The following FAM13B variants were observed in gnomAD, a reference collection of about 807,000 sequenced individuals.
FAM13B encodes the protein family with sequence similarity 13 member B.
In FAM13B, 60 loss-of-function variants were observed where a neutral mutation model predicts 117.3. That is an observed-to-expected ratio of 0.51 (90% confidence interval 0.42 to 0.63). FAM13B has a LOEUF of 0.63. FAM13B is among the 30% of genes least tolerant of loss of function. The pLI is 0.00. For synonymous variants in FAM13B, 332 were observed against 356.1 expected (o/e 0.93, Z 0.76); for missense variants, 972 against 1,091.9 (o/e 0.89, Z 1.55).
chr5:137,943,111 A>C (rs757649235), intron 21 of FAM13B, 22 bp downstream of exon 21: 11 of 1,613,162 alleles, frequency 6.8e-6, no homozygotes, highest in Middle Eastern at 3.3e-4. Flanking sequence ...GGGATCAGAT[A>C]ATTATTTCTT....
chr5:138,008,411 C>T (rs995155950), intron 6 of FAM13B, among the ~76,000 whole-genome samples: 1 of 152,104 alleles, frequency 6.6e-6, no homozygotes, highest in Admixed American at 6.5e-5. Context: ...CACTGCACTC[C>T]AACTTGGGTG....
Position 137,954,268 on chromosome 5 carries a change from G to A in FAM13B, c.1616C>T (p.Pro539Leu), listed in dbSNP as rs1285699597. The A allele has an allele frequency of 1.9e-6, 3 of 1,613,968 alleles. No individual in the cohort carries two copies. Among genetic ancestry groups the A allele is most frequent in the Admixed American group, 3.3e-5 (2 of 60,002 alleles). The change falls in exon 15 of 24, where the codon CCT becomes CTT. Residue 539 changes from proline (P) to leucine (L), a missense_variant. By Grantham distance (98) the Pro-to-Leu change is moderately conservative (BLOSUM62 -3). Coordinates refer to ENST00000689681, the MANE Select transcript of FAM13B (RefSeq NM_001385994.1). Reference sequence around the variant, plus strand: ...TAAACTGCGGTGTGATAATACTGGAGGACAGTCCTCTTCCAAGGGGTGATG... The same window carrying A: ...TAAACTGCGGTGTGATAATACTGGAAGACAGTCCTCTTCCAAGGGGTGATG... ...MNHHPLEEDC[P>L]PVLSHRSLDF...
At chr5:137,949,214 A>G (rs1048817674) in intron 17 of FAM13B, 30 bp from the exon 18 acceptor site, 8 of 1,575,248 alleles carry the variant, frequency 5.1e-6, no homozygotes, top group Admixed American at 5.0e-5. Context: ...ACAGATCAGT[A>G]ATAATTGGTT....
chr5:137,946,829 A>G (rs780171204), intron 18 of FAM13B, among the ~76,000 whole-genome samples: 15 of 152,232 alleles, frequency 9.9e-5, no homozygotes, highest in Non-Finnish European at 1.8e-4. Context: ...TTATAATACA[A>G]TATTTATTCT....
chr5:138,027,591 G>C (rs80052519), intron 1 of FAM13B, among the ~76,000 whole-genome samples: 9 of 152,280 alleles, frequency 5.9e-5, no homozygotes, highest in African/African-American at 2.2e-4. Context: ...TTCCCTCCTG[G>C]CCTGAGAAAC....
chr5:137,956,958 C>T (rs1389699493), intron 13 of FAM13B, among the ~76,000 whole-genome samples: 1 of 152,154 alleles, frequency 6.6e-6, no homozygotes, highest in Admixed American at 6.5e-5. Context: ...AAGATGGTAT[C>T]CACTTCCATT....
At chr5:138,027,452 T>C (rs934151505) in intron 1 of FAM13B, among the ~76,000 whole-genome samples, 2 of 152,230 alleles carry the variant, frequency 1.3e-5, no homozygotes, top group Non-Finnish European at 2.9e-5. Flanking sequence ...AATAAACTTA[T>C]GCCTGCTCTA....
chr5:137,955,832 A>G (rs1312665338), intron 14 of FAM13B, among the ~76,000 whole-genome samples: 1 of 152,074 alleles, frequency 6.6e-6, no homozygotes, highest in Non-Finnish European at 1.5e-5. Flanking sequence ...GGGTTTCACC[A>G]TGTTGGCCAG....
At chr5:138,008,904 A>G (rs1783225746) in intron 6 of FAM13B, among the ~76,000 whole-genome samples, 1 of 152,242 alleles carries the variant, frequency 6.6e-6, no homozygotes, top group African/African-American at 2.4e-5. Context: ...GAACTTTGGG[A>G]GGCCAAGGTG....
In FAM13B at chr5:137,955,068, A is replaced by G. The variant is rs1000018354; in HGVS notation, c.1508-692T>C. Among the ~76,000 whole-genome samples the G allele has an allele frequency of 6.0e-5, 4 of 67,082 alleles. No individual in the cohort carries two copies. The Admixed American group carries it at 6.8e-4, about 11-fold the overall frequency. 44.0% of individuals were successfully genotyped at this position (67,082 alleles called of 152,430 possible). ...TTTTCAAAAGATGTTTTATTTACAA[A>G]TGTTAGTTTTCAAGTAGGGGAAAAC... On this transcript the variant is annotated intron_variant, in intron 14 of 23. Coordinates refer to ENST00000689681, the MANE Select transcript of FAM13B (RefSeq NM_001385994.1).
At position 137,987,469 on chromosome 5, in the gene FAM13B, A is replaced by T; in HGVS notation, c.1038T>A (p.Ser346=). 6.2e-7 allele frequency: 1 copy of T among 1,609,230 alleles called. No homozygotes were observed. Among genetic ancestry groups the T allele is most frequent in the Non-Finnish European group, 8.5e-7 (1 of 1,178,084 alleles). ...AGTAAAATGTTTCTTACTGGTTATT[A>T]GATCCTTCCCCATCACAATGAATAC... The part of the protein sequence containing the change: ...AESIHCDGEG[S]NNQIDIADDI... Residue 346 remains serine (S), a synonymous_variant, in exon 9 of 24, where the codon TCT becomes TCA. Transcript: ENST00000689681.
intron 6 of FAM13B, among the ~76,000 whole-genome samples, chr5:138,009,970 T>C (rs1033964648): frequency 4.6e-5 from 7 of 152,054 alleles, no homozygotes; most frequent in African/African-American, 1.4e-4. Context: ...GAGATACTAT[T>C]ATTTCAACAT....
At chr5:137,957,335 A>T (rs1581087607) in intron 13 of FAM13B, among the ~76,000 whole-genome samples, 1 of 152,136 alleles carries the variant, frequency 6.6e-6, no homozygotes, top group Non-Finnish European at 1.5e-5. Context: ...CGAGGCCGGG[A>T]GTTTGAGACC....
intron 7 of FAM13B, among the ~76,000 whole-genome samples, chr5:137,992,995 A>G (rs1396746182): frequency 5.9e-5 from 4 of 68,350 alleles, no homozygotes; most frequent in African/African-American, 1.5e-4. Context: ...ATACAAGAGG[A>G]TACTTTACAA....
In FAM13B at chr5:137,987,590, G is replaced by A; in HGVS notation, c.917C>T (p.Ala306Val). 6.2e-7 allele frequency: 1 copy of A among 1,612,410 alleles called. No individual in the cohort carries two copies. Among genetic ancestry groups the A allele is most frequent in the Non-Finnish European group, 8.5e-7 (1 of 1,179,370 alleles). Reference sequence around the variant, plus strand: ...AAGATCAAAAAGGTGCTGTTCCACAGCTGCTCTAATTGTTCTTTCTAAAAT... The same window carrying A: ...AAGATCAAAAAGGTGCTGTTCCACAACTGCTCTAATTGTTCTTTCTAAAAT... ...TDILERTIRAAVEQHLFDLQS... is the reference protein window; with the variant it reads ...TDILERTIRAVVEQHLFDLQS... Residue 306 changes from alanine to valine, a missense_variant, in exon 9 of 24, where the codon GCT becomes GTT. Physicochemically the swap from Ala to Val is moderately conservative, Grantham distance 64 (BLOSUM62 0). Transcript: ENST00000689681.
chr5:137,946,453 A>C, intron 18 of FAM13B, 142 bp from the exon 19 acceptor site: 1 of 575,178 alleles, frequency 1.7e-6, no homozygotes, highest in Admixed American at 3.6e-5. Context: ...AGTCTAGCCC[A>C]GGCCTTTGCT....
In FAM13B at chr5:137,975,980, C is replaced by CTTTTTTTTT. The variant is rs57478594; in HGVS notation, c.1179+9268_1179+9276dup. On this transcript the variant is annotated intron_variant, in intron 10 of 23. Transcript: ENST00000689681. ...CCACAACCAGACTGCTCAACTCTTC[C>CTTTTTTTTT]TTTTTTTTTTTTTTTGAGACAGTCT... 2.1e-3 allele frequency among the ~76,000 whole-genome samples: 230 copies of CTTTTTTTTT among 110,176 alleles called. 20 individuals carry two copies. The highest frequency in any genetic ancestry group is 8.0e-3 in the African/African-American group (216 of 27,064). 72.3% of individuals were successfully genotyped at this position (110,176 alleles called of 152,430 possible).
chr5:138,002,910 G>A (rs1276306603), intron 7 of FAM13B, among the ~76,000 whole-genome samples: 3 of 150,818 alleles, frequency 2.0e-5, no homozygotes, highest in Admixed American at 6.6e-5. Flanking sequence ...TCCTGACCTC[G>A]TGATCTGCCT....
At chr5:137,971,497 C>T (rs1247000143) in intron 10 of FAM13B, among the ~76,000 whole-genome samples, 1 of 146,156 alleles carries the variant, frequency 6.8e-6, no homozygotes, top group Non-Finnish European at 1.5e-5. Flanking sequence ...TAAATGTCCA[C>T]AAGAGAAAGC....
Sources: allele counts gnomAD v4.1 joint callset (sites outside exome capture counted in the v4.1 genomes callset), GRCh38; gene constraint gnomAD v4.1.1; transcripts MANE v1.5; gene names NCBI Gene and HGNC (gene_info 2026-07-23, HGNC 2026-07-21).